The following LMF1 variants were observed in gnomAD, a reference collection of about 807,000 sequenced individuals.
LMF1 encodes transmembrane protein 112.
Under a neutral mutation model 60.6 loss-of-function variants are expected in LMF1, and 68 were observed. That is an observed-to-expected ratio of 1.12 (90% confidence interval 0.92 to 1.37). The LOEUF (loss-of-function observed/expected upper bound fraction) is 1.37, where lower values mean the gene tolerates loss of function less well. Ranked by LOEUF, LMF1 falls within the 40% of genes most tolerant of loss-of-function variation. The pLI, the probability that LMF1 is intolerant of heterozygous loss-of-function variation, is 0.00. For synonymous variants in LMF1, 418 were observed against 324.7 expected, an observed-to-expected ratio of 1.29 and a Z score of -3.09; for missense variants, 948 against 767.2, an observed-to-expected ratio of 1.24 and a Z score of -2.78.
chr16:941,477 C>T (rs1353258355), intron 2 of LMF1, among the ~76,000 whole-genome samples: 1 of 152,206 alleles, frequency 6.6e-6, no homozygotes, highest in African/African-American at 2.4e-5. Flanking sequence ...CCTGCCTTGG[C>T]CTCCCAAAGT....
At chr16:937,859 G>A (rs767080709) in intron 2 of LMF1, among the ~76,000 whole-genome samples, 3 of 152,134 alleles carry the variant, frequency 2.0e-5, no homozygotes, top group Non-Finnish European at 4.4e-5. Flanking sequence ...GTGTGTAGTA[G>A]GGACTTAATC....
At chr16:902,126 T>C (rs2070830648) in intron 4 of LMF1, 1 of 152,256 alleles carries the variant, frequency 6.6e-6, no homozygotes, top group South Asian at 2.1e-4. Flanking sequence ...GGGCTGAGGA[T>C]GCCCACTGCC....
At chr16:870,542 C>T (rs987988003) in intron 8 of LMF1, among the ~76,000 whole-genome samples, 187 bp downstream of exon 8, 3 of 152,308 alleles carry the variant, frequency 2.0e-5, no homozygotes, top group South Asian at 2.1e-4. Flanking sequence ...GGGACCAGGA[C>T]GAGGAGGCCT....
chr16:981,083 C>A, intron 1 of LMF1: 1 of 339,544 alleles, frequency 2.9e-6, no homozygotes, highest in Non-Finnish European at 6.0e-6. Context: ...CGCTCGCACT[C>A]GTATGGGCAG....
At chr16:956,459 G>A (rs2072707158) in intron 1 of LMF1, among the ~76,000 whole-genome samples, 1 of 152,096 alleles carries the variant, frequency 6.6e-6, no homozygotes, top group Non-Finnish European at 1.5e-5. Flanking sequence ...AAGAAAGCTG[G>A]ATCTAATTCA....
At chr16:921,320 C>G (rs139104182) in intron 3 of LMF1, among the ~76,000 whole-genome samples, 2 of 152,220 alleles carry the variant, frequency 1.3e-5, no homozygotes, top group African/African-American at 4.8e-5. Context: ...GGTGAACAGT[C>G]GCCATAGCCC....
At chr16:867,313 C>T (rs2069636597) in intron 10 of LMF1, among the ~76,000 whole-genome samples, 2 of 152,200 alleles carry the variant, frequency 1.3e-5, no homozygotes, top group Admixed American at 1.3e-4. Flanking sequence ...TTACTTTTTC[C>T]AGCACCTCCT....
At chr16:980,950 G>C (rs1412039708) in intron 1 of LMF1, 1 of 151,334 alleles carries the variant, frequency 6.6e-6, no homozygotes, top group Non-Finnish European at 1.5e-5. Flanking sequence ...CCCCGCGTCC[G>C]GCCACGCCAT....
chr16:909,544 T>C (rs375416894), intron 4 of LMF1, among the ~76,000 whole-genome samples: 3 of 151,996 alleles, frequency 2.0e-5, no homozygotes, highest in South Asian at 2.1e-4. Flanking sequence ...CAAGCCACGC[T>C]ATGCAGAACC....
At chr16:958,492 G>A (rs1441074680) in intron 1 of LMF1, among the ~76,000 whole-genome samples, 1 of 152,194 alleles carries the variant, frequency 6.6e-6, no homozygotes, top group Non-Finnish European at 1.5e-5. Flanking sequence ...CAAATAACAC[G>A]TGAAAAGATG....
chr16:956,216 C>T (rs2072699965), intron 1 of LMF1, among the ~76,000 whole-genome samples: 1 of 149,820 alleles, frequency 6.7e-6, no homozygotes, highest in South Asian at 2.1e-4. Flanking sequence ...GAGTTCACGT[C>T]CCACGGCGCC....
intron 2 of LMF1, among the ~76,000 whole-genome samples, chr16:951,243 CAG>C (rs1190416750): frequency 6.6e-6 from 1 of 151,882 alleles, no homozygotes. Context: ...CAGCCAACGA[CAG>C]AGTCAGCCAA....
chr16:854,444 G>A lies in LMF1; in HGVS notation c.*88C>T, dbSNP rs765393283. Reference sequence around the variant, plus strand: ...CTCTCCTCTCCACGTCTCTCTTGGCGATGCCCAGCTTGGGCTGGGCGCAGG... The same window carrying A: ...CTCTCCTCTCCACGTCTCTCTTGGCAATGCCCAGCTTGGGCTGGGCGCAGG... On this transcript the variant is annotated 3_prime_UTR_variant, in exon 11 of 11. Coordinates refer to ENST00000262301, the MANE Select transcript of LMF1 (RefSeq NM_022773.4). The A allele has an allele frequency of 2.4e-5, 32 of 1,327,626 alleles. No individual in the cohort carries two copies. Among genetic ancestry groups the A allele is most frequent in the South Asian group, 3.8e-5 (3 of 78,820 alleles). The allele number at this position is 1,327,626 out of a possible 1,614,324, so 82.2% of individuals were successfully genotyped here.
chr16:954,306 G>T (rs1225985981), intron 2 of LMF1, 51 bp downstream of exon 2: 1 of 1,557,266 alleles, frequency 6.4e-7, no homozygotes, highest in Non-Finnish European at 8.8e-7. Flanking sequence ...CAGTGCCTGT[G>T]CTGAGTGACA....
In LMF1 at chr16:870,795, G is replaced by A; in HGVS notation, c.1166C>T (p.Ser389Phe). 6.2e-7 allele frequency: 1 copy of A among 1,612,824 alleles called. No individual in the cohort carries two copies. The highest frequency in any genetic ancestry group is 8.5e-7 in the Non-Finnish European group (1 of 1,179,708). The stretch of plus-strand genomic sequence containing the variant: ...GAAGTGGGTGTTCATGACCTGCCTG[G>A]AGCTCAGCAAGTTGAGGACCACGGG... ...SVPVVLNLLS[S>F]RQVMNTHFNS... Residue 389 changes from serine to phenylalanine, a missense_variant, in exon 8 of 11, where the codon TCC becomes TTC. Transcript: ENST00000262301.
intron 1 of LMF1, among the ~76,000 whole-genome samples, chr16:970,342 G>C (rs1381242927): frequency 6.6e-6 from 1 of 152,176 alleles, no homozygotes; most frequent in Admixed American, 6.5e-5. Flanking sequence ...CTGTGTCGGG[G>C]ACAGCAGGAG....
intron 5 of LMF1, among the ~76,000 whole-genome samples, chr16:885,947 T>C (rs1336182831): frequency 2.0e-5 from 3 of 152,226 alleles, no homozygotes; most frequent in African/African-American, 7.2e-5. Flanking sequence ...AACCATATTC[T>C]GGGCTACAGA....
chr16:975,025 C>A (rs974421618), upstream of LMF1, among the ~76,000 whole-genome samples: 1 of 152,098 alleles, frequency 6.6e-6, no homozygotes, highest in Non-Finnish European at 1.5e-5. Context: ...AACCCCCCCA[C>A]CCCCCACGTG....
At chr16:893,124 C>T (rs1257306197) in intron 4 of LMF1, 52 bp from the exon 5 acceptor site, 48 of 1,476,078 alleles carry the variant, frequency 3.3e-5, no homozygotes, top group Middle Eastern at 1.7e-4. Flanking sequence ...GGGGATGCGG[C>T]GGCCCCGACA....
Sources: gnomAD v4.1 joint callset for allele counts (sites outside exome capture counted in the v4.1 genomes callset) on GRCh38, gnomAD v4.1.1 for gene constraint, MANE v1.5 for transcripts, NCBI Gene and HGNC (gene_info 2026-07-23, HGNC 2026-07-21) for gene names.